The following PCTP variants were observed in gnomAD, a reference collection of about 807,000 sequenced individuals.
The protein encoded by PCTP is phosphatidylcholine transfer protein.
Under a neutral mutation model 31.0 loss-of-function variants are expected in PCTP, and 27 were observed. That is an observed-to-expected ratio of 0.87 (90% CI 0.64 to 1.20). The LOEUF is 1.20. PCTP is among the 50% of genes most tolerant of loss of function. The probability of loss-of-function intolerance (pLI) is 0.00; values close to 1 mark genes in which losing one functional copy is unlikely to be tolerated. For synonymous variants in PCTP, 108 were observed against 101.2 expected (o/e 1.07, Z -0.40); for missense variants, 287 against 268.2 (o/e 1.07, Z -0.49).
chr17:55,838,009 G>C (rs1384985058), intron 5 of PCTP, among the ~76,000 whole-genome samples: 2 of 151,984 alleles, frequency 1.3e-5, no homozygotes, highest in South Asian at 2.1e-4. Context: ...GGGCATGATA[G>C]TGTGCACCTT....
At chr17:55,765,024 A>G (rs1910562860) in intron 1 of PCTP, among the ~76,000 whole-genome samples, 1 of 152,248 alleles carries the variant, frequency 6.6e-6, no homozygotes, top group Non-Finnish European at 1.5e-5. Context: ...ATGGACAAGA[A>G]TATGGCTTAC....
intron 3 of PCTP, among the ~76,000 whole-genome samples, chr17:55,798,970 G>A (rs1224811306): frequency 6.6e-6 from 1 of 151,536 alleles, no homozygotes; most frequent in African/African-American, 2.4e-5. Flanking sequence ...TGTCTTGCAA[G>A]TAATAAAAAT....
chr17:55,772,111 T>C (rs1193308451), intron 3 of PCTP, among the ~76,000 whole-genome samples: 3 of 152,102 alleles, frequency 2.0e-5, no homozygotes, highest in Non-Finnish European at 4.4e-5. Flanking sequence ...CTGAGAAAGT[T>C]GGGGGAGAGA....
chr17:55,778,412 A>T (rs1170065363), downstream of PCTP, among the ~76,000 whole-genome samples: 1 of 152,174 alleles, frequency 6.6e-6, no homozygotes, highest in Admixed American at 6.5e-5. Context: ...ATTTGTGGAT[A>T]GAAGCAGTTA....
At chr17:55,815,266 T>C (rs1912881739) in intron 3 of PCTP, among the ~76,000 whole-genome samples, 1 of 152,358 alleles carries the variant, frequency 6.6e-6, no homozygotes, top group South Asian at 2.1e-4. Context: ...GGCTAAATAT[T>C]GGAAATTTGG....
intron 3 of PCTP, among the ~76,000 whole-genome samples, chr17:55,817,041 G>GATC (rs1269439526): frequency 6.6e-6 from 1 of 152,188 alleles, no homozygotes; most frequent in East Asian, 1.9e-4. Context: ...GGAGCTTACA[G>GATC]ATCACAGTAT....
intron 3 of PCTP, among the ~76,000 whole-genome samples, chr17:55,815,673 T>C (rs2145053583): frequency 6.6e-6 from 1 of 152,246 alleles, no homozygotes; most frequent in Middle Eastern, 3.4e-3. Context: ...AGGAAAAAAA[T>C]CCCTGACTCC....
intron 3 of PCTP, among the ~76,000 whole-genome samples, chr17:55,812,464 A>C (rs1912783246): frequency 6.6e-6 from 1 of 152,230 alleles, no homozygotes; most frequent in South Asian, 2.1e-4. Flanking sequence ...GGCTTGCTAC[A>C]ACAGCTGTAT....
intron 3 of PCTP, among the ~76,000 whole-genome samples, chr17:55,794,771 T>C (rs1912128885): frequency 6.6e-6 from 1 of 152,028 alleles, no homozygotes. Flanking sequence ...TAACGACAAA[T>C]TCCAGCTCCT....
At chr17:55,818,351 A>G (rs1162752444) in intron 3 of PCTP, among the ~76,000 whole-genome samples, 1 of 152,222 alleles carries the variant, frequency 6.6e-6, no homozygotes, top group African/African-American at 2.4e-5. Context: ...GGCTATTCCA[A>G]CATGGCAACT....
chr17:55,807,834 G>A (rs1488664152), intron 3 of PCTP, among the ~76,000 whole-genome samples: 1 of 152,006 alleles, frequency 6.6e-6, no homozygotes, highest in African/African-American at 2.4e-5. Flanking sequence ...TATTACATTT[G>A]AAAATTATAT....
chr17:55,815,154 A>G (rs1912877873), intron 3 of PCTP, among the ~76,000 whole-genome samples: 1 of 152,218 alleles, frequency 6.6e-6, no homozygotes, highest in African/African-American at 2.4e-5. Flanking sequence ...ATTTACTATA[A>G]TATTTAAGAT....
intron 3 of PCTP, among the ~76,000 whole-genome samples, chr17:55,802,359 C>A (rs1912414758): frequency 6.6e-6 from 1 of 152,202 alleles, no homozygotes; most frequent in East Asian, 1.9e-4. Context: ...CTCCCTAACT[C>A]ATTTTATGAG....
intron 3 of PCTP, among the ~76,000 whole-genome samples, chr17:55,811,207 T>C (rs1355751453): frequency 6.6e-6 from 1 of 152,210 alleles, no homozygotes; most frequent in Non-Finnish European, 1.5e-5. Context: ...ACATACAAAG[T>C]CTTTCCTCCA....
At chr17:55,852,023 A>G in the PCTP span, among the ~76,000 whole-genome samples, 3 of 152,242 alleles carry the variant, frequency 2.0e-5, no homozygotes, top group African/African-American at 4.8e-5. Flanking sequence ...AATTTGAGTT[A>G]AATCAAATTT....
At chr17:55,760,584 AC>A (rs1326723083) in intron 1 of PCTP, among the ~76,000 whole-genome samples, 2 of 152,196 alleles carry the variant, frequency 1.3e-5, no homozygotes, top group East Asian at 3.8e-4. Flanking sequence ...GATTTATGAG[AC>A]AGCACTTTGG....
intron 5 of PCTP, 47 bp from the exon 6 acceptor site, chr17:55,775,988 G>C: frequency 6.2e-7 from 1 of 1,608,988 alleles, no homozygotes; most frequent in African/African-American, 1.3e-5. Flanking sequence ...AGAATCAAGA[G>C]TGACCACTGT....
intron 3 of PCTP, among the ~76,000 whole-genome samples, chr17:55,795,404 G>A (rs1317322972): frequency 6.6e-6 from 1 of 152,020 alleles, no homozygotes; most frequent in African/African-American, 2.4e-5. Flanking sequence ...AATGATTTAT[G>A]TCTTTGCATA....
chr17:55,835,732 T>C (rs777689323), intron 5 of PCTP, among the ~76,000 whole-genome samples: 32 of 152,190 alleles, frequency 2.1e-4, no homozygotes, highest in Non-Finnish European at 4.4e-4. Context: ...CAGGCTCTCC[T>C]GTCTGGTACA....
Sources: allele counts gnomAD v4.1 joint callset (sites outside exome capture counted in the v4.1 genomes callset), GRCh38; gene constraint gnomAD v4.1.1; transcripts MANE v1.5; gene names NCBI Gene and HGNC (gene_info 2026-07-23, HGNC 2026-07-21).